Variants in TPX2 observed in about 807,000 individuals in gnomAD.
TPX2 encodes targeting protein for Xklp2.
In TPX2, 21 loss-of-function variants were observed where a neutral mutation model predicts 93.6. The observed-to-expected ratio is 0.22, with a 90% CI of 0.16 to 0.32. TPX2 has a LOEUF of 0.32. Ranked by LOEUF, TPX2 falls within the 10% of genes least tolerant of loss-of-function variation. The pLI, the probability that TPX2 is intolerant of heterozygous loss-of-function variation, is 1.00. For missense variants in TPX2, 776 were observed against 871.1 expected (o/e 0.89, Z 1.37); for synonymous variants, 281 against 298.3 (o/e 0.94, Z 0.60).
chr20:31,767,876 T>G (rs934050181), intron 5 of TPX2, among the ~76,000 whole-genome samples: 5 of 151,752 alleles, frequency 3.3e-5, no homozygotes, highest in African/African-American at 1.2e-4. Flanking sequence ...TAATCAGAGT[T>G]TAGTGTTTAC....
intron 17 of TPX2, among the ~76,000 whole-genome samples, chr20:31,800,266 A>G (rs932976887): frequency 2.0e-5 from 3 of 152,152 alleles, no homozygotes; most frequent in Non-Finnish European, 4.4e-5. Flanking sequence ...CACTCTATAT[A>G]CACTCATACA....
chr20:31,756,193 T>C (rs1261064875), intron 2 of TPX2, among the ~76,000 whole-genome samples: 1 of 152,206 alleles, frequency 6.6e-6, no homozygotes, highest in African/African-American at 2.4e-5. Context: ...TATACACAAG[T>C]GAGTAAAATC....
intron 12 of TPX2, among the ~76,000 whole-genome samples, chr20:31,790,637 G>A (rs1184425954): frequency 6.6e-6 from 1 of 152,132 alleles, no homozygotes; most frequent in Non-Finnish European, 1.5e-5. Flanking sequence ...TTGGGATTAA[G>A]GAGAAGGCTC....
At chr20:31,774,331 ATG>A (rs1343400933) in intron 7 of TPX2, among the ~76,000 whole-genome samples, 4 of 152,140 alleles carry the variant, frequency 2.6e-5, no homozygotes, top group African/African-American at 9.7e-5. Flanking sequence ...TTTAATTTTT[ATG>A]TATTTGCTGA....
chr20:31,785,855 T>C (rs2062062769), intron 12 of TPX2, among the ~76,000 whole-genome samples: 1 of 152,348 alleles, frequency 6.6e-6, no homozygotes, highest in Non-Finnish European at 1.5e-5. Flanking sequence ...CCTAAGTTTT[T>C]GTTTTTATTT....
At chr20:31,795,535 C>A (rs2062133180) in intron 15 of TPX2, among the ~76,000 whole-genome samples, 1 of 152,266 alleles carries the variant, frequency 6.6e-6, no homozygotes, top group African/African-American at 2.4e-5. Context: ...GACCCCTGCT[C>A]TAAGTGATCA....
rs1162122382 is a variant in TPX2 at position 31,763,751 on chromosome 20, A to T, written c.230-2805A>T. Among the ~76,000 whole-genome samples, 5 of 142,874 alleles carry T rather than the reference A, an allele frequency of 3.5e-5. No homozygotes were observed. In the East Asian group the frequency reaches 1.0e-3, roughly 29 times the overall value. The allele number at this position is 142,874 out of a possible 152,430, so 93.7% of individuals were successfully genotyped here. A position where few individuals can be genotyped will look rare whatever the true frequency, so the allele number is the denominator to read the frequency against. ...TTTTTTTTTTTTGGCTGGACGTGATACCTCATGCCTGTAATCCCAGCACTT... is the reference window on the plus strand; with the variant it reads ...TTTTTTTTTTTTGGCTGGACGTGATTCCTCATGCCTGTAATCCCAGCACTT... On this transcript the variant is annotated intron_variant, in intron 4 of 17. Transcript: ENST00000300403.
chr20:31,757,388 C>A lies in TPX2; in HGVS notation c.-70-19C>A. 1 of 1,047,240 alleles carries A rather than the reference C, an allele frequency of 9.5e-7. No individual in the cohort carries two copies. The highest frequency in any genetic ancestry group is 1.4e-6 in the Non-Finnish European group (1 of 699,972). 64.9% of individuals were successfully genotyped at this position (1,047,240 alleles called of 1,614,324 possible). Reference sequence around the variant, plus strand: ...ATGGGAATTTACTTAGATTTATGTGCAACCATTTCTTTCCTCAGAAGGTGA... The same window carrying A: ...ATGGGAATTTACTTAGATTTATGTGAAACCATTTCTTTCCTCAGAAGGTGA... On this transcript the variant is annotated intron_variant, in intron 2 of 17. Transcript: ENST00000300403.
chr20:31,799,854 T>G (rs1156259101), intron 17 of TPX2, among the ~76,000 whole-genome samples: 2 of 144,310 alleles, frequency 1.4e-5, no homozygotes, highest in Non-Finnish European at 3.0e-5. Flanking sequence ...GAGCCGATTG[T>G]GCCACTGCAG....
chr20:31,749,445 A>G (rs2061804881), intron 2 of TPX2, among the ~76,000 whole-genome samples: 1 of 152,196 alleles, frequency 6.6e-6, no homozygotes, highest in Admixed American at 6.5e-5. Flanking sequence ...GGATTTAGTG[A>G]GTTAATACAT....
intron 2 of TPX2, among the ~76,000 whole-genome samples, chr20:31,749,676 T>G (rs2061806577): frequency 6.6e-6 from 1 of 151,714 alleles, no homozygotes; most frequent in African/African-American, 2.4e-5. Flanking sequence ...GTGCCTGTAA[T>G]CCCAGCTACT....
intron 8 of TPX2, 114 bp from the exon 9 acceptor site, chr20:31,777,373 T>C (rs1050688573): frequency 6.1e-6 from 8 of 1,312,148 alleles, no homozygotes; most frequent in Non-Finnish European, 8.3e-6. Flanking sequence ...AGGTAGATAG[T>C]AAGCAAAGTT....
chr20:31,778,514 A>G (rs953985160), intron 9 of TPX2, among the ~76,000 whole-genome samples: 9 of 152,142 alleles, frequency 5.9e-5, no homozygotes, highest in African/African-American at 1.9e-4. Flanking sequence ...TTTGTCTTCA[A>G]TTCTAAGATA....
intron 4 of TPX2, among the ~76,000 whole-genome samples, chr20:31,761,402 A>G (rs947555695): frequency 2.0e-5 from 3 of 151,944 alleles, no homozygotes; most frequent in Admixed American, 6.6e-5. Flanking sequence ...GGGTTTCACC[A>G]TATTGGCCAG....
chr20:31,794,790 GTA>G (rs1192077184), intron 15 of TPX2, among the ~76,000 whole-genome samples: 16 of 150,358 alleles, frequency 1.1e-4, no homozygotes, highest in African/African-American at 2.0e-4. Context: ...GTGTGTGTGT[GTA>G]TGTGTGTGTG....
intron 8 of TPX2, among the ~76,000 whole-genome samples, chr20:31,776,237 C>T (rs1600380059): frequency 2.0e-5 from 3 of 151,052 alleles, no homozygotes; most frequent in South Asian, 4.2e-4. Flanking sequence ...CCCGCCACCG[C>T]GCCCGGCTAA....
In TPX2 at chr20:31,798,376, G is replaced by A. The variant is rs765406910; in HGVS notation, c.1957G>A (p.Gly653Ser). ...GTTTCTGTACTTAGAGGGCCTTTCTGGTTCTCTAGTTCAGGAACCTTTTCA... is the reference window on the plus strand; with the variant it reads ...GTTTCTGTACTTAGAGGGCCTTTCTAGTTCTCTAGTTCAGGAACCTTTTCA... Reference protein sequence around the residue: ...EKKSVAEGLSGSLVQEPFQLA... With the variant: ...EKKSVAEGLSSSLVQEPFQLA... The change falls in exon 17 of 18, where the codon GGT becomes AGT. Residue 653 changes from glycine (G) to serine (S), a missense_variant. This residue lies in a region of TPX2 where 461 missense variants were observed against 551.2 expected (regional missense o/e 0.84). Transcript: ENST00000300403. 1 of 1,613,986 alleles carries A rather than the reference G, an allele frequency of 6.2e-7. No homozygotes were observed. Among genetic ancestry groups the A allele is most frequent in the South Asian group, 1.1e-5 (1 of 91,060 alleles).
At chr20:31,747,453 T>C (rs895429653) in intron 2 of TPX2, among the ~76,000 whole-genome samples, 1 of 151,950 alleles carries the variant, frequency 6.6e-6, no homozygotes, top group Non-Finnish European at 1.5e-5. Flanking sequence ...TGTCTGTCTG[T>C]CTGTCTGTCT....
chr20:31,773,851 T>C (rs1303912672), intron 7 of TPX2, among the ~76,000 whole-genome samples: 3 of 152,164 alleles, frequency 2.0e-5, no homozygotes, highest in Non-Finnish European at 2.9e-5. Flanking sequence ...TTACCACTTT[T>C]TGTAGTGAGA....
Sources: allele counts gnomAD v4.1 joint callset (sites outside exome capture counted in the v4.1 genomes callset), GRCh38; gene constraint gnomAD v4.1.1; regional missense constraint gnomAD v4.1.1; transcripts MANE v1.5; gene names NCBI Gene and HGNC (gene_info 2026-07-23, HGNC 2026-07-21).